Variants in DPYSL2 observed in about 807,000 individuals in gnomAD.
DPYSL2 encodes the protein dihydropyrimidinase-related protein 2.
In DPYSL2, 13 loss-of-function variants were observed where a neutral mutation model predicts 69.9. That is an observed-to-expected ratio of 0.19 (90% CI 0.12 to 0.30). DPYSL2 has a LOEUF of 0.30. Among genes scored for constraint, DPYSL2 ranks in the 10% least tolerant of loss-of-function variants. The pLI, the probability that DPYSL2 is intolerant of heterozygous loss-of-function variation, is 1.00. For missense variants in DPYSL2, 587 were observed against 918.9 expected, an observed-to-expected ratio of 0.64 and a Z score of 4.67; for synonymous variants, 326 against 359.1, an observed-to-expected ratio of 0.91 and a Z score of 1.04.
At chr8:26,592,474 TTG>T (rs796479786) in intron 3 of DPYSL2, among the ~76,000 whole-genome samples, 219 of 50,100 alleles carry the variant, frequency 4.4e-3, no homozygotes, top group East Asian at 0.016. Flanking sequence ...TTTTTTTTTT[TTG>T]TTTTTTTTTT....
chr8:26,514,829 C>T lies in DPYSL2; in HGVS notation c.354+150C>T. ...GCACCCCGCCCTACCCGCCCCTTCT[C>T]CGCGCAGGGTGCGGCGAGGCTCGGG... On this transcript the variant is annotated intron_variant, in intron 1 of 13. Transcript: ENST00000521913. The surrounding 1 kb of genome is among the most constrained non-coding windows in gnomAD (Gnocchi z 8.4). 1 of 744,730 alleles carries T rather than the reference C, an allele frequency of 1.3e-6. No individual in the cohort carries two copies. 46.1% of individuals were successfully genotyped at this position (744,730 alleles called of 1,614,324 possible).
intron 1 of DPYSL2, among the ~76,000 whole-genome samples, chr8:26,567,616 C>T (rs1275974756): frequency 1.3e-5 from 2 of 152,240 alleles, no homozygotes; most frequent in African/African-American, 2.4e-5. Context: ...CCAGTGGGGG[C>T]ATAAGAGAAG....
chr8:26,579,414 T>C (rs923392013), intron 1 of DPYSL2, among the ~76,000 whole-genome samples: 2 of 152,132 alleles, frequency 1.3e-5, no homozygotes, highest in African/African-American at 2.4e-5. Context: ...GGAAATTCAT[T>C]GTTATATAAG....
chr8:26,544,855 G>A (rs1585499700), intron 1 of DPYSL2, among the ~76,000 whole-genome samples: 1 of 152,148 alleles, frequency 6.6e-6, no homozygotes, highest in Admixed American at 6.6e-5. Context: ...ACCAGAGGGG[G>A]CTATACTTAT....
chr8:26,572,092 G>T (rs764579204), intron 1 of DPYSL2, among the ~76,000 whole-genome samples: 9 of 152,212 alleles, frequency 5.9e-5, no homozygotes, highest in South Asian at 2.1e-4. Flanking sequence ...GGGCATTGGG[G>T]ATTTTCTTTG....
rs1248965455 is a variant in DPYSL2, at chr8:26,571,584, G to A, written c.355-10385G>A. On this transcript the variant is annotated intron_variant, in intron 1 of 13. Transcript: ENST00000521913. This position sits in a 1 kb window ranked among gnomAD's most constrained non-coding sequence, Gnocchi z 6.1. Reference sequence around the variant, plus strand: ...GCTAACTGGGGATAAGAGAAAGCCCGAGTCGACTAGATTCTGTGAAGTGCA... The same window carrying A: ...GCTAACTGGGGATAAGAGAAAGCCCAAGTCGACTAGATTCTGTGAAGTGCA... Among the ~76,000 whole-genome samples, 1 of 152,150 alleles carries A rather than the reference G, an allele frequency of 6.6e-6. No homozygotes were observed. Among genetic ancestry groups the A allele is most frequent in the Non-Finnish European group, 1.5e-5 (1 of 68,018 alleles).
At chr8:26,578,367 A>G (rs922416667) in intron 1 of DPYSL2, 12 of 1,602,568 alleles carry the variant, frequency 7.5e-6, no homozygotes, top group Admixed American at 7.0e-5. Context: ...GGAATTTTTA[A>G]AAAGGAGGGG....
chr8:26,613,549 T>C (rs1393167221), intron 3 of DPYSL2, among the ~76,000 whole-genome samples: 1 of 152,198 alleles, frequency 6.6e-6, no homozygotes, highest in African/African-American at 2.4e-5. Context: ...GGGTTTTTCC[T>C]GAGACTAAAG....
chr8:26,574,828 C>T (rs549591841), intron 1 of DPYSL2, among the ~76,000 whole-genome samples: 1 of 152,310 alleles, frequency 6.6e-6, no homozygotes, highest in South Asian at 2.1e-4. Context: ...ATTACAGCCT[C>T]AGCCTCCCAG....
rs1290797234 is a variant in DPYSL2, at chr8:26,614,684, G to A, written c.629-9459G>A. Among the ~76,000 whole-genome samples the A allele has an allele frequency of 1.3e-5, 2 of 152,134 alleles. No individual in the cohort carries two copies. Among genetic ancestry groups the A allele is most frequent in the Non-Finnish European group, 2.9e-5 (2 of 68,036 alleles). On this transcript the variant is annotated intron_variant, in intron 3 of 13. Transcript: ENST00000521913. This position sits in a 1 kb window ranked among gnomAD's most constrained non-coding sequence, Gnocchi z 4.9. ...TTCTAGATGCTGAACAATGACCGAT[G>A]GTGCCACTTGATTTATATGAAGATA... is the stretch of plus-strand genomic sequence containing the variant.
intron 1 of DPYSL2, among the ~76,000 whole-genome samples, chr8:26,556,341 A>ATATATATGG (rs1800981915): frequency 2.2e-4 from 2 of 9,154 alleles, no homozygotes; most frequent in Non-Finnish European, 5.1e-4. Flanking sequence ...TATATATAGT[A>ATATATATGG]TATATATATA....
At chr8:26,618,025 T>TA (rs376728235) in intron 3 of DPYSL2, among the ~76,000 whole-genome samples, 181 of 151,934 alleles carry the variant, frequency 1.2e-3, no homozygotes, top group Middle Eastern at 6.8e-3. Context: ...ATAAAACTGT[T>TA]AAAAAAAACA....
intron 1 of DPYSL2, among the ~76,000 whole-genome samples, chr8:26,534,163 A>G (rs748908576): frequency 1.2e-4 from 18 of 152,196 alleles, no homozygotes; most frequent in Non-Finnish European, 2.6e-4. Flanking sequence ...TAAGCCATTT[A>G]TATGGACTAT....
Position 26,597,751 on chromosome 8 carries a change from G to A in DPYSL2, c.628+13768G>A, listed in dbSNP as rs1424419315. ...GGCCTCCCAAAGTGCTGGGATTACA[G>A]GCAAGAGCCACCGCACCTGGCCTCT... On this transcript the variant is annotated intron_variant, in intron 3 of 13. Transcript: ENST00000521913. This position sits in a 1 kb window ranked among gnomAD's most constrained non-coding sequence, Gnocchi z 5.2. 1.3e-5 allele frequency among the ~76,000 whole-genome samples: 2 copies of A among 151,090 alleles called. No homozygotes were observed. The highest frequency in any genetic ancestry group is 4.9e-5 in the African/African-American group (2 of 41,196).
intron 3 of DPYSL2, among the ~76,000 whole-genome samples, chr8:26,604,433 G>C (rs1025225724): frequency 6.6e-6 from 1 of 152,190 alleles, no homozygotes; most frequent in Non-Finnish European, 1.5e-5. Context: ...GGCCTGGAAG[G>C]CTTCCTGGAG....
intron 1 of DPYSL2, among the ~76,000 whole-genome samples, chr8:26,535,140 G>T (rs1800570740): frequency 6.6e-6 from 1 of 152,170 alleles, no homozygotes. Flanking sequence ...GCATGATTGG[G>T]TTCTGTTGAA....
At chr8:26,524,852 T>G (rs1808451753) in intron 1 of DPYSL2, among the ~76,000 whole-genome samples, 1 of 147,424 alleles carries the variant, frequency 6.8e-6, no homozygotes, top group Non-Finnish European at 1.5e-5. Context: ...AGAATTACTG[T>G]TTTTCAATAT....
At position 26,591,863 on chromosome 8, in the gene DPYSL2, C is replaced by T. The variant is rs183300823; in HGVS notation, c.628+7880C>T. 2.8e-3 allele frequency among the ~76,000 whole-genome samples: 421 copies of T among 152,286 alleles called. 2 individuals are homozygous for T. Among genetic ancestry groups the T allele is most frequent in the Middle Eastern group, 6.8e-3 (2 of 294 alleles). On this transcript the variant is annotated intron_variant, in intron 3 of 13. Coordinates refer to ENST00000521913, the MANE Select transcript of DPYSL2 (RefSeq NM_001197293.3). The surrounding 1 kb of genome is among the most constrained non-coding windows in gnomAD (Gnocchi z 5.8). Reference sequence around the variant, plus strand: ...GCACTGCCTCCCCCTCTGCCCACCTCCCCTGCAAAGCTTGCAATGCGATTG... The same window carrying T: ...GCACTGCCTCCCCCTCTGCCCACCTTCCCTGCAAAGCTTGCAATGCGATTG...
At position 26,644,648 on chromosome 8, in the gene DPYSL2, A is replaced by G. The variant is rs189200541; in HGVS notation, c.1425+557A>G. 5.8e-4 allele frequency among the ~76,000 whole-genome samples: 89 copies of G among 152,190 alleles called. No individual in the cohort carries two copies. Among genetic ancestry groups the G allele is most frequent in the Admixed American group, 1.8e-3 (27 of 15,296 alleles). On this transcript the variant is annotated intron_variant, in intron 10 of 13. Coordinates refer to ENST00000521913, the MANE Select transcript of DPYSL2 (RefSeq NM_001197293.3). This position sits in a 1 kb window ranked among gnomAD's most constrained non-coding sequence, Gnocchi z 4.5. ...CATTATCATCAATGGAACAGTAAAG[A>G]CTGAAAACCTACACAGCTTTAGATG...
Sources: allele counts gnomAD v4.1 joint callset (sites outside exome capture counted in the v4.1 genomes callset), GRCh38; gene constraint gnomAD v4.1.1; non-coding constraint Gnocchi (gnomAD v3.1); transcripts MANE v1.5; gene names NCBI Gene and HGNC (gene_info 2026-07-23, HGNC 2026-07-21).